The following XIAP variants were observed in gnomAD, a reference collection of about 807,000 sequenced individuals.
XIAP encodes E3 ubiquitin-protein ligase XIAP.
Under a neutral mutation model 33.1 loss-of-function variants are expected in XIAP, and 3 were observed. The ratio of observed to expected loss-of-function variants is 0.09; its 90% confidence interval spans 0.04 to 0.23. XIAP has a LOEUF of 0.23. Among genes scored for constraint, XIAP ranks in the 10% least tolerant of loss-of-function variants. The pLI, the probability that XIAP is intolerant of heterozygous loss-of-function variation, is 1.00. For missense variants in XIAP, 264 were observed against 363.0 expected (o/e 0.73, Z 2.22); for synonymous variants, 98 against 121.3 (o/e 0.81, Z 1.26).
rs1336658371 is a variant in XIAP, at chrX:123,907,268, A to G, written c.*87A>G. On this transcript the variant is annotated 3_prime_UTR_variant, in exon 7 of 7. Coordinates refer to ENST00000371199, the MANE Select transcript of XIAP (RefSeq NM_001167.4). ...ACTGACTTTAAGTAATCAGGATTGA[A>G]TTCCATTAGCATTTGCTACCAAGTA... The G allele has an allele frequency of 2.3e-6, 2 of 865,951 alleles. No homozygotes were observed. Among genetic ancestry groups the G allele is most frequent in the East Asian group, 6.6e-5 (2 of 30,475 alleles). The allele number at this position is 865,951 out of a possible 1,213,427, so 71.4% of individuals were successfully genotyped here. A position where few individuals can be genotyped will look rare whatever the true frequency, so the allele number is the denominator to read the frequency against.
At chrX:123,893,517 A>T (rs2053428669) in intron 5 of XIAP, among the ~76,000 whole-genome samples, 1 of 110,582 alleles carries the variant, frequency 9.0e-6, no homozygotes, top group Non-Finnish European at 1.9e-5. Flanking sequence ...ACAGAGCGAG[A>T]TTCCGTCTCA....
chrX:123,908,574 G>A lies in XIAP; in HGVS notation c.*1393G>A, dbSNP rs28382744. 0.21 allele frequency: 75,633 copies of A among 356,799 alleles called. 5,499 individuals are homozygous for A. The highest frequency in any genetic ancestry group is 0.39 in the South Asian group (14,389 of 36,979). 29.4% of individuals were successfully genotyped at this position (356,799 alleles called of 1,213,427 possible). ...TTAAAGTTTCATGTGAGTTTTTACC[G>A]TTAGGATGATTAAGATGTATATAGG... On this transcript the variant is annotated 3_prime_UTR_variant, in exon 7 of 7. Coordinates refer to ENST00000371199, the MANE Select transcript of XIAP (RefSeq NM_001167.4).
At chrX:123,892,234 G>A (rs2053415014) in intron 4 of XIAP, among the ~76,000 whole-genome samples, 1 of 110,472 alleles carries the variant, frequency 9.1e-6, no homozygotes, top group Admixed American at 9.8e-5. Flanking sequence ...AGGCGTAATG[G>A]CGGGCGCCTG....
At chrX:123,903,667 G>A (rs1270905389) in intron 6 of XIAP, among the ~76,000 whole-genome samples, 1 of 87,977 alleles carries the variant, frequency 1.1e-5, no homozygotes, top group African/African-American at 4.6e-5. Flanking sequence ...TTAAAAAATT[G>A]TGATAAAATA....
chrX:123,875,312 C>T (rs562332067), intron 1 of XIAP, among the ~76,000 whole-genome samples: 66 of 111,211 alleles, frequency 5.9e-4, no homozygotes, highest in African/African-American at 2.0e-3. Flanking sequence ...TGAGCCACCG[C>T]GCCCGGCCTG....
At chrX:123,890,917 G>T (rs1391015204) in intron 3 of XIAP, among the ~76,000 whole-genome samples, 2 of 108,777 alleles carry the variant, frequency 1.8e-5, no homozygotes, top group Non-Finnish European at 3.8e-5. Flanking sequence ...CTCCAGCCTG[G>T]GTGACAGAGC....
At chrX:123,872,188 C>T (rs1252688628) in intron 1 of XIAP, among the ~76,000 whole-genome samples, 2 of 111,036 alleles carry the variant, frequency 1.8e-5, no homozygotes, top group East Asian at 5.6e-4. Context: ...AGTTTTTGCC[C>T]AAAGTTCGCG....
intron 1 of XIAP, among the ~76,000 whole-genome samples, chrX:123,882,833 C>T (rs1460788393): frequency 8.9e-6 from 1 of 112,536 alleles, no homozygotes; most frequent in African/African-American, 3.2e-5. Flanking sequence ...GGCTGGGGTG[C>T]AGTGGCACGA....
At chrX:123,878,161 T>C (rs1231461945) in intron 1 of XIAP, among the ~76,000 whole-genome samples, 1 of 111,715 alleles carries the variant, frequency 9.0e-6, no homozygotes, top group African/African-American at 3.3e-5. Context: ...CTCTTTGTTT[T>C]AGACTTAAAA....
chrX:123,908,214 G>T lies in XIAP; in HGVS notation c.*1033G>T. 1 of 363,684 alleles carries T rather than the reference G, an allele frequency of 2.7e-6. No individual in the cohort carries two copies. The highest frequency in any genetic ancestry group is 5.3e-6 in the Non-Finnish European group (1 of 190,345). The allele number at this position is 363,684 out of a possible 1,213,427, so 30.0% of individuals were successfully genotyped here. Reference sequence around the variant, plus strand: ...TTTGGTGCCAATGTGAAATGTAAATGATTTTATGTTTTTCCTGCTTTGTGG... The same window carrying T: ...TTTGGTGCCAATGTGAAATGTAAATTATTTTATGTTTTTCCTGCTTTGTGG... On this transcript the variant is annotated 3_prime_UTR_variant, in exon 7 of 7. Transcript: ENST00000371199.
At chrX:123,863,854 T>C (rs2053103564) in intron 1 of XIAP, among the ~76,000 whole-genome samples, 1 of 111,395 alleles carries the variant, frequency 9.0e-6, no homozygotes, top group Admixed American at 9.6e-5. Flanking sequence ...CACCGTAATA[T>C]ATCTGATTAT....
chrX:123,895,296 G>T lies in XIAP; in HGVS notation c.1099+2523G>T, dbSNP rs2053449948. Among the ~76,000 whole-genome samples the T allele has an allele frequency of 2.7e-5, 3 of 112,097 alleles. No individual in the cohort carries two copies. The Admixed American group carries it at 2.9e-4, about 11-fold the overall frequency. ...TATGAGTACTTCATTCTTTTCTATTGTAGAAAAAGAGTCCATTGTATAAAT... is the reference window on the plus strand; with the variant it reads ...TATGAGTACTTCATTCTTTTCTATTTTAGAAAAAGAGTCCATTGTATAAAT... On this transcript the variant is annotated intron_variant, in intron 5 of 6. Coordinates refer to ENST00000371199, the MANE Select transcript of XIAP (RefSeq NM_001167.4).
At chrX:123,861,908 C>T (rs968112046) in intron 1 of XIAP, among the ~76,000 whole-genome samples, 4 of 111,363 alleles carry the variant, frequency 3.6e-5, no homozygotes, top group African/African-American at 1.3e-4. Flanking sequence ...TGTTACTAGT[C>T]GTCATATATT....
In XIAP at chrX:123,907,640, A is replaced by T. The variant is rs1458788049; in HGVS notation, c.*459A>T. ...TAAATTGTTCCATGCTGGTGGAAAGATAGAGATTGTTTTTAGAGGTTGGTT... is the reference window on the plus strand; with the variant it reads ...TAAATTGTTCCATGCTGGTGGAAAGTTAGAGATTGTTTTTAGAGGTTGGTT... On this transcript the variant is annotated 3_prime_UTR_variant, in exon 7 of 7. Coordinates refer to ENST00000371199, the MANE Select transcript of XIAP (RefSeq NM_001167.4). 8.0e-6 allele frequency: 3 copies of T among 372,696 alleles called. No homozygotes were observed. The highest frequency in any genetic ancestry group is 3.0e-5 in the Admixed American group (1 of 32,796). 30.7% of individuals were successfully genotyped at this position (372,696 alleles called of 1,213,427 possible).
chrX:123,879,638 A>G (rs964417504), intron 1 of XIAP, among the ~76,000 whole-genome samples: 11 of 110,100 alleles, frequency 1.0e-4, no homozygotes, highest in African/African-American at 3.0e-4. Context: ...TTAAGTGACA[A>G]TATTATTAAA....
In XIAP at chrX:123,886,674, TATTC is replaced by T. The variant is rs961952821; in HGVS notation, c.877+136_877+139del. 8.9e-6 allele frequency: 6 copies of T among 672,952 alleles called. No individual in the cohort carries two copies. In the Admixed American group the frequency reaches 1.1e-4, roughly 12 times the overall value. 55.5% of individuals were successfully genotyped at this position (672,952 alleles called of 1,213,427 possible). On this transcript the variant is annotated intron_variant, in intron 2 of 6. Coordinates refer to ENST00000371199, the MANE Select transcript of XIAP (RefSeq NM_001167.4). ...GGCATGATTATATATATATCTGTAT[TATTC>T]CGTGAACTCTTATGTTGAACCTGTA...
At chrX:123,881,585 C>CTATTAGCA (rs1431593063) in intron 1 of XIAP, among the ~76,000 whole-genome samples, 2 of 111,276 alleles carry the variant, frequency 1.8e-5, no homozygotes, top group Admixed American at 1.9e-4. Flanking sequence ...GAAATCTGAA[C>CTATTAGCA]TATTAGCATG....
intron 1 of XIAP, among the ~76,000 whole-genome samples, chrX:123,877,930 C>T (rs2053261730): frequency 9.4e-6 from 1 of 106,103 alleles, no homozygotes; most frequent in Non-Finnish European, 1.9e-5. Context: ...GCCGAGATCG[C>T]GCCACTGCAC....
At chrX:123,884,119 C>A (rs2148087598) in intron 1 of XIAP, among the ~76,000 whole-genome samples, 1 of 111,983 alleles carries the variant, frequency 8.9e-6, no homozygotes, top group East Asian at 2.8e-4. Context: ...GAACATTACT[C>A]CAAAAGAGAT....
Sources: gnomAD v4.1 joint callset for allele counts (sites outside exome capture counted in the v4.1 genomes callset) on GRCh38, gnomAD v4.1.1 for gene constraint, MANE v1.5 for transcripts, NCBI Gene and HGNC (gene_info 2026-07-23, HGNC 2026-07-21) for gene names.